SNTG2: variants seen among roughly 807,000 people sequenced by gnomAD.
The protein encoded by SNTG2 is gamma-2-syntrophin.
Under a neutral mutation model 70.9 loss-of-function variants are expected in SNTG2, and 74 were observed. The ratio of observed to expected loss-of-function variants is 1.04; its 90% confidence interval spans 0.86 to 1.27. SNTG2 has a LOEUF of 1.27. Among genes scored for constraint, SNTG2 ranks in the 50% most tolerant of loss-of-function variants. The pLI is 0.00. For synonymous variants in SNTG2, 278 were observed against 273.8 expected (o/e 1.02, Z -0.15); for missense variants, 717 against 690.7 (o/e 1.04, Z -0.43).
chr2:1,340,069 C>G (rs991538297), intron 16 of SNTG2, among the ~76,000 whole-genome samples: 9 of 152,230 alleles, frequency 5.9e-5, no homozygotes, highest in Non-Finnish European at 1.0e-4. Context: ...ACTCGCCTCC[C>G]TCTCCATGGC....
chr2:1,043,327 A>G (rs1411143659), intron 1 of SNTG2, among the ~76,000 whole-genome samples: 1 of 152,154 alleles, frequency 6.6e-6, no homozygotes, highest in African/African-American at 2.4e-5. Flanking sequence ...TACCCTTATC[A>G]GATGCATAGT....
chr2:1,211,775 CGTG>C (rs1393770761), intron 9 of SNTG2, among the ~76,000 whole-genome samples: 1 of 152,104 alleles, frequency 6.6e-6, no homozygotes, highest in Non-Finnish European at 1.5e-5. Context: ...TCCCATGACA[CGTG>C]GGAATTATGG....
At position 965,534 on chromosome 2, in the gene SNTG2, GTCC is replaced by G. The variant is rs538081396; in HGVS notation, c.72+14474_72+14476del. Among the ~76,000 whole-genome samples, 144 of 148,500 alleles carry G rather than the reference GTCC, an allele frequency of 9.7e-4. 1 individual carries two copies. Among genetic ancestry groups the G allele is most frequent in the African/African-American group, 3.6e-3 (140 of 39,292 alleles). On this transcript the variant is annotated intron_variant, in intron 1 of 16. Transcript: ENST00000308624. ...AGGGTCCCCTCCTCCTGGCCTCTCG[GTCC>G]TCCTCCTTGACCCCCTGGTCCTCTT...
intron 6 of SNTG2, among the ~76,000 whole-genome samples, chr2:1,154,353 G>A (rs1386003838): frequency 1.3e-5 from 2 of 152,206 alleles, no homozygotes; most frequent in South Asian, 2.1e-4. Flanking sequence ...TAAGGCGAGC[G>A]GGATGGGACG....
At chr2:1,186,354 T>A (rs1417506896) in intron 8 of SNTG2, among the ~76,000 whole-genome samples, 1 of 152,204 alleles carries the variant, frequency 6.6e-6, no homozygotes, top group Non-Finnish European at 1.5e-5. Flanking sequence ...TTCTGATCTC[T>A]GCCATTACCC....
At chr2:1,238,197 A>G (rs1308560495) in intron 10 of SNTG2, among the ~76,000 whole-genome samples, 180 bp downstream of exon 10, 1 of 152,174 alleles carries the variant, frequency 6.6e-6, no homozygotes, top group Non-Finnish European at 1.5e-5. Context: ...TTTCCAAATC[A>G]AAGAGTAAGG....
chr2:1,059,902 G>A (rs541858351), intron 1 of SNTG2, among the ~76,000 whole-genome samples: 4 of 152,084 alleles, frequency 2.6e-5, no homozygotes, highest in South Asian at 4.2e-4. Context: ...ATTGGATCAG[G>A]GGTACAAAAG....
intron 1 of SNTG2, among the ~76,000 whole-genome samples, chr2:973,846 T>C (rs1159036643): frequency 1.3e-5 from 2 of 152,206 alleles, no homozygotes; most frequent in Admixed American, 1.3e-4. Flanking sequence ...TCTGTATTGC[T>C]TTCATTCATT....
chr2:1,239,865 G>T, intron 11 of SNTG2, 89 bp downstream of exon 11: 3 of 1,489,054 alleles, frequency 2.0e-6, no homozygotes, highest in Non-Finnish European at 2.8e-6. Flanking sequence ...TCGAAAAGCA[G>T]TCTCTGGTTT....
At chr2:1,277,066 T>C (rs1259542822) in intron 14 of SNTG2, among the ~76,000 whole-genome samples, 1 of 152,234 alleles carries the variant, frequency 6.6e-6, no homozygotes, top group African/African-American at 2.4e-5. Context: ...GAAAGTGGTT[T>C]CTTGAGATGG....
chr2:1,126,286 G>T (rs62107424), intron 4 of SNTG2, among the ~76,000 whole-genome samples: 1 of 152,146 alleles, frequency 6.6e-6, no homozygotes, highest in East Asian at 1.9e-4. Context: ...TGTCCTACAG[G>T]TTCACCCACT....
At chr2:1,221,120 C>T (rs768870942) in intron 9 of SNTG2, among the ~76,000 whole-genome samples, 10 of 152,238 alleles carry the variant, frequency 6.6e-5, no homozygotes, top group South Asian at 4.1e-4. Context: ...TGTCATTCTC[C>T]CAACTCACTT....
chr2:998,451 T>C (rs1661763702), intron 1 of SNTG2, among the ~76,000 whole-genome samples: 1 of 151,858 alleles, frequency 6.6e-6, no homozygotes, highest in East Asian at 1.9e-4. Context: ...GAGATAGATA[T>C]TAAAAGAAGC....
chr2:1,331,125 G>A (rs780588609), intron 16 of SNTG2, among the ~76,000 whole-genome samples: 30 of 152,282 alleles, frequency 2.0e-4, no homozygotes, highest in East Asian at 1.9e-4. Context: ...GTGAGGCCAC[G>A]TCGTGTCCTG....
chr2:1,206,609 G>A (rs1572723527), intron 8 of SNTG2, among the ~76,000 whole-genome samples: 1 of 152,136 alleles, frequency 6.6e-6, no homozygotes, highest in Non-Finnish European at 1.5e-5. Context: ...CCAGAGGAAA[G>A]TACATTCAGT....
At chr2:970,635 A>G (rs1660707998) in intron 1 of SNTG2, among the ~76,000 whole-genome samples, 1 of 145,020 alleles carries the variant, frequency 6.9e-6, no homozygotes, top group African/African-American at 2.6e-5. Flanking sequence ...TCCATGGTGT[A>G]TATGTGCCAC....
intron 1 of SNTG2, among the ~76,000 whole-genome samples, chr2:1,008,207 G>A (rs1330171989): frequency 1.3e-5 from 2 of 152,160 alleles, no homozygotes; most frequent in Admixed American, 6.5e-5. Flanking sequence ...TTCTCTGAAA[G>A]TAGTTGATCT....
At chr2:1,300,976 C>T (rs1388630117) in intron 14 of SNTG2, among the ~76,000 whole-genome samples, 1 of 152,144 alleles carries the variant, frequency 6.6e-6, no homozygotes, top group East Asian at 1.9e-4. Flanking sequence ...GATTGTGCTT[C>T]TCAAGAGCCC....
intron 1 of SNTG2, among the ~76,000 whole-genome samples, chr2:1,035,029 G>A (rs1661055456): frequency 6.6e-6 from 1 of 152,164 alleles, no homozygotes; most frequent in African/African-American, 2.4e-5. Flanking sequence ...CAACCACAGT[G>A]CAATAAAAAT....
Sources: gnomAD v4.1 joint callset for allele counts (sites outside exome capture counted in the v4.1 genomes callset) on GRCh38, gnomAD v4.1.1 for gene constraint, MANE v1.5 for transcripts, NCBI Gene and HGNC (gene_info 2026-07-23, HGNC 2026-07-21) for gene names.